ARHGAP10: variants seen among roughly 807,000 people sequenced by gnomAD.
The protein encoded by ARHGAP10 is Rho GTPase activating protein 10, also known as rho GTPase-activating protein 10.
ARHGAP10 carries 87 observed loss-of-function variants against 108.6 expected under a neutral mutation model. The ratio of observed to expected loss-of-function variants is 0.80; its 90% confidence interval spans 0.67 to 0.96. ARHGAP10 has a LOEUF of 0.96. ARHGAP10 is among the 40% of genes least tolerant of loss of function. ARHGAP10 has a pLI of 0.00. For synonymous variants in ARHGAP10, 347 were observed against 341.1 expected (o/e 1.02, Z -0.19); for missense variants, 939 against 954.5 (o/e 0.98, Z 0.21).
intron 12 of ARHGAP10, among the ~76,000 whole-genome samples, chr4:147,910,230 C>T (rs999195189): frequency 1.3e-5 from 2 of 151,864 alleles, no homozygotes; most frequent in Non-Finnish European, 2.9e-5. Context: ...GCTATGTTGT[C>T]CAGGCTGGTC....
chr4:147,900,044 C>T (rs748603576), intron 10 of ARHGAP10, among the ~76,000 whole-genome samples: 7 of 151,870 alleles, frequency 4.6e-5, no homozygotes, highest in African/African-American at 1.7e-4. Context: ...CTGCTTTTTT[C>T]GTTGTGTATT....
At chr4:147,925,107 A>G (rs913652020) in intron 13 of ARHGAP10, among the ~76,000 whole-genome samples, 13 of 152,156 alleles carry the variant, frequency 8.5e-5, no homozygotes, top group African/African-American at 3.1e-4. Flanking sequence ...CTCTTCAGTG[A>G]TTTGTGGACA....
At chr4:147,749,726 C>T (rs150348419) in intron 1 of ARHGAP10, among the ~76,000 whole-genome samples, 5 of 152,186 alleles carry the variant, frequency 3.3e-5, no homozygotes, top group African/African-American at 7.2e-5. Context: ...TAAAATCCAA[C>T]GTAAGGATTT....
At chr4:147,786,686 G>A (rs1468226975) in intron 1 of ARHGAP10, among the ~76,000 whole-genome samples, 3 of 152,198 alleles carry the variant, frequency 2.0e-5, no homozygotes, top group African/African-American at 7.2e-5. Flanking sequence ...GCATACATAT[G>A]GGATGGCATA....
chr4:147,920,763 T>C (rs1395435634), intron 13 of ARHGAP10, among the ~76,000 whole-genome samples: 3 of 152,202 alleles, frequency 2.0e-5, no homozygotes, highest in Non-Finnish European at 2.9e-5. Flanking sequence ...TGTTGAAGGA[T>C]TGGGAAGCAT....
chr4:147,839,207 A>G, intron 3 of ARHGAP10, among the ~76,000 whole-genome samples: 1 of 152,186 alleles, frequency 6.6e-6, no homozygotes, highest in East Asian at 1.9e-4. Flanking sequence ...TTTCAAGGAA[A>G]AACAAGAGCT....
intron 10 of ARHGAP10, among the ~76,000 whole-genome samples, chr4:147,895,556 G>A (rs1341995699): frequency 2.0e-5 from 3 of 147,070 alleles, no homozygotes; most frequent in Admixed American, 6.8e-5. Flanking sequence ...ATGGTGGTAT[G>A]TGCCTGTAGT....
Position 147,794,990 on chromosome 4 carries a change from A to G in ARHGAP10, c.155-27737A>G, listed in dbSNP as rs554163117. ...TTTCCAGCTGCTTTTGCAGTTGACT[A>G]TAGTCAGTTCCATATAGTGTGGCAG... On this transcript the variant is annotated intron_variant, in intron 1 of 22. Coordinates refer to ENST00000336498, the MANE Select transcript of ARHGAP10 (RefSeq NM_024605.4). 5.4e-4 allele frequency among the ~76,000 whole-genome samples: 83 copies of G among 152,320 alleles called. 1 individual carries two copies. In the Middle Eastern group the frequency reaches 0.01, roughly 19 times the overall value.
intron 14 of ARHGAP10, among the ~76,000 whole-genome samples, chr4:147,940,872 AC>A (rs903356952): frequency 6.6e-6 from 1 of 152,208 alleles, no homozygotes; most frequent in Admixed American, 6.5e-5. Context: ...TAAGCTATTA[AC>A]CACAGGAGAA....
At position 147,793,500 on chromosome 4, in the gene ARHGAP10, G is replaced by C. The variant is rs150968605; in HGVS notation, c.155-29227G>C. Among the ~76,000 whole-genome samples the C allele has an allele frequency of 2.2e-3, 334 of 152,162 alleles. 4 individuals are homozygous for C. Among genetic ancestry groups the C allele is most frequent in the Non-Finnish European group, 6.8e-4 (46 of 68,002 alleles). On this transcript the variant is annotated intron_variant, in intron 1 of 22. Coordinates refer to ENST00000336498, the MANE Select transcript of ARHGAP10 (RefSeq NM_024605.4). ...ATATCTAGAAAAAGAATGGGGCCTT[G>C]AAAGGAGGAGTTGGACCTGGGATCT...
chr4:147,912,483 C>G (rs1736784166), intron 12 of ARHGAP10, among the ~76,000 whole-genome samples: 1 of 149,410 alleles, frequency 6.7e-6, no homozygotes, highest in Non-Finnish European at 1.5e-5. Flanking sequence ...AGAGGTTGCA[C>G]TCTAGCTTGG....
chr4:147,785,255 C>T (rs1412249789), intron 1 of ARHGAP10, among the ~76,000 whole-genome samples: 1 of 151,746 alleles, frequency 6.6e-6, no homozygotes, highest in Non-Finnish European at 1.5e-5. Context: ...TTAGATTTCC[C>T]AGTTTTCAAG....
intron 18 of ARHGAP10, among the ~76,000 whole-genome samples, chr4:147,987,676 G>C (rs897603609): frequency 8.5e-5 from 13 of 152,196 alleles, no homozygotes; most frequent in Non-Finnish European, 1.5e-4. Flanking sequence ...TTAGGATTTG[G>C]GGAGACTGAG....
intron 16 of ARHGAP10, among the ~76,000 whole-genome samples, chr4:147,959,732 G>A (rs1367390075): frequency 6.6e-6 from 1 of 152,130 alleles, no homozygotes; most frequent in Non-Finnish European, 1.5e-5. Flanking sequence ...ATTTCATGGT[G>A]TGTATGTGCC....
Position 147,847,202 on chromosome 4 carries a change from G to C in ARHGAP10, c.364G>C (p.Glu122Gln). 6.2e-7 allele frequency: 1 copy of C among 1,612,662 alleles called. No homozygotes were observed. Among genetic ancestry groups the C allele is most frequent in the African/African-American group, 1.3e-5 (1 of 74,964 alleles). ...TAAACCCTTGGAAAAATTCAGAAAA[G>C]AGCAACTTGGAGCTGTAAAGGTTTG... ...LIKPLEKFRKEQLGAVKEEKK... is the reference protein window; with the variant it reads ...LIKPLEKFRKQQLGAVKEEKK... Residue 122 changes from glutamate to glutamine, a missense_variant, in exon 4 of 23, where the codon GAG becomes CAG. Transcript: ENST00000336498.
intron 7 of ARHGAP10, among the ~76,000 whole-genome samples, chr4:147,867,530 A>T (rs1459310884): frequency 1.3e-5 from 2 of 152,174 alleles, no homozygotes; most frequent in African/African-American, 4.8e-5. Context: ...GATGGATGGG[A>T]AGCTGTGGTT....
At chr4:147,782,648 C>A (rs938533257) in intron 1 of ARHGAP10, 4 of 151,418 alleles carry the variant, frequency 2.6e-5, no homozygotes, top group African/African-American at 9.7e-5. Flanking sequence ...GACTGGCATG[C>A]TGCATTTATA....
intron 1 of ARHGAP10, among the ~76,000 whole-genome samples, chr4:147,756,060 A>G (rs1245154631): frequency 6.6e-6 from 1 of 151,792 alleles, no homozygotes; most frequent in Non-Finnish European, 1.5e-5. Context: ...GAGGATTCTA[A>G]AAATTTCTTG....
chr4:147,989,353 T>C (rs567877863), intron 18 of ARHGAP10, among the ~76,000 whole-genome samples: 1 of 152,368 alleles, frequency 6.6e-6, no homozygotes, highest in South Asian at 2.1e-4. Context: ...TGATAACATC[T>C]TATCAGGAGA....
Sources: allele counts gnomAD v4.1 joint callset (sites outside exome capture counted in the v4.1 genomes callset), GRCh38; gene constraint gnomAD v4.1.1; transcripts MANE v1.5; gene names NCBI Gene and HGNC (gene_info 2026-07-23, HGNC 2026-07-21).